Variants in B3GALT1 observed in about 807,000 individuals in gnomAD.
B3GALT1 encodes UDP-Gal:betaGlcNAc beta 1,3-galactosyltransferase, polypeptide 1.
Under a neutral mutation model 23.2 loss-of-function variants are expected in B3GALT1, and 10 were observed. That is an observed-to-expected ratio of 0.43 (90% confidence interval 0.27 to 0.73). B3GALT1 has a LOEUF of 0.73. B3GALT1 is among the 30% of genes least tolerant of loss of function. The pLI, the probability that B3GALT1 is intolerant of heterozygous loss-of-function variation, is 0.21. For synonymous variants in B3GALT1, 156 were observed against 141.5 expected, an observed-to-expected ratio of 1.10 and a Z score of -0.73; for missense variants, 299 against 405.4, an observed-to-expected ratio of 0.74 and a Z score of 2.25.
intron 4 of B3GALT1, among the ~76,000 whole-genome samples, chr2:167,865,111 A>G (rs970747958): frequency 3.3e-5 from 5 of 152,188 alleles, no homozygotes; most frequent in Admixed American, 6.5e-5. Context: ...AAAGTATCAG[A>G]TAAAACAAAC....
At chr2:167,601,869 T>A (rs937531977) in intron 2 of B3GALT1, among the ~76,000 whole-genome samples, 2 of 152,240 alleles carry the variant, frequency 1.3e-5, no homozygotes, top group South Asian at 2.1e-4. Flanking sequence ...GAAAAGCTTA[T>A]GCATAAAAAC....
Position 167,588,752 on chromosome 2 carries a change from A to G in B3GALT1, c.-409-58157A>G, listed in dbSNP as rs557003423. On this transcript the variant is annotated intron_variant, in intron 2 of 4. Coordinates refer to ENST00000392690, the MANE Select transcript of B3GALT1 (RefSeq NM_020981.4). Reference sequence around the variant, plus strand: ...TTTATAATTTATAAGGTCTCTGTCTATATACGTATATCCAAAAAGAAAATG... The same window carrying G: ...TTTATAATTTATAAGGTCTCTGTCTGTATACGTATATCCAAAAAGAAAATG... 8.2e-4 allele frequency among the ~76,000 whole-genome samples: 125 copies of G among 151,938 alleles called. 4 individuals carry two copies. In the South Asian group the frequency reaches 0.022, roughly 27 times the overall value.
At chr2:167,326,760 GC>G (rs1696902597) in intron 1 of B3GALT1, among the ~76,000 whole-genome samples, 1 of 151,988 alleles carries the variant, frequency 6.6e-6, no homozygotes, top group African/African-American at 2.4e-5. Flanking sequence ...TATGATCTGG[GC>G]TCACTGCAAC....
At chr2:167,820,159 A>C (rs776045379) in intron 4 of B3GALT1, among the ~76,000 whole-genome samples, 2 of 152,260 alleles carry the variant, frequency 1.3e-5, no homozygotes, top group Non-Finnish European at 2.9e-5. Context: ...GCTGGTATAA[A>C]TAATACTTCC....
chr2:167,776,040 GCACACACACA>G lies in B3GALT1; in HGVS notation c.-351-42603_-351-42594del, dbSNP rs71003011. Among the ~76,000 whole-genome samples the G allele has an allele frequency of 8.8e-4, 125 of 142,352 alleles. 2 individuals carry two copies. Among genetic ancestry groups the G allele is most frequent in the Middle Eastern group, 3.6e-3 (1 of 278 alleles). 93.4% of individuals were successfully genotyped at this position (142,352 alleles called of 152,430 possible). Reference sequence around the variant, plus strand: ...TATAAGTAGATAATTATGCAACTGTGCACACACACACACACACACACACACACACACACAC... The same window carrying G: ...TATAAGTAGATAATTATGCAACTGTGCACACACACACACACACACACACAC... On this transcript the variant is annotated intron_variant, in intron 3 of 4. Transcript: ENST00000392690.
chr2:167,761,437 G>C (rs1364705224), intron 3 of B3GALT1, among the ~76,000 whole-genome samples: 1 of 152,164 alleles, frequency 6.6e-6, no homozygotes, highest in Non-Finnish European at 1.5e-5. Context: ...TAGATTCACA[G>C]CATTATCTCC....
chr2:167,654,817 CACTTA>C (rs1223907987), intron 3 of B3GALT1, among the ~76,000 whole-genome samples: 12 of 145,778 alleles, frequency 8.2e-5, no homozygotes, highest in South Asian at 2.2e-4. Flanking sequence ...TTTTTTTTTC[CACTTA>C]ACTTTAGACT....
chr2:167,810,445 G>T (rs1688863764), intron 3 of B3GALT1, among the ~76,000 whole-genome samples: 1 of 150,892 alleles, frequency 6.6e-6, no homozygotes, highest in African/African-American at 2.5e-5. Context: ...TTTTTTCATT[G>T]AAAGAGAAAA....
At chr2:167,713,939 C>T (rs1687102973) in intron 3 of B3GALT1, 1 of 1,567,504 alleles carries the variant, frequency 6.4e-7, no homozygotes, top group Non-Finnish European at 8.8e-7. Flanking sequence ...CGTGAACAGG[C>T]CCCTTGTATC....
intron 2 of B3GALT1, among the ~76,000 whole-genome samples, chr2:167,631,758 CCTTTT>C (rs1233296293): frequency 2.7e-4 from 39 of 142,364 alleles, no homozygotes; most frequent in African/African-American, 9.7e-4. Context: ...ACCTACCTCT[CCTTTT>C]CTTTTCTTTT....
intron 2 of B3GALT1, among the ~76,000 whole-genome samples, chr2:167,567,172 G>A (rs1043838667): frequency 4.6e-5 from 7 of 152,082 alleles, no homozygotes; most frequent in Non-Finnish European, 7.4e-5. Context: ...GGAGAGTGTG[G>A]CTGTATAAAA....
At chr2:167,781,690 G>A (rs1688246954) in intron 3 of B3GALT1, among the ~76,000 whole-genome samples, 1 of 152,088 alleles carries the variant, frequency 6.6e-6, no homozygotes, top group Non-Finnish European at 1.5e-5. Context: ...TCCAGCCTGG[G>A]CTCCTGGGCT....
At chr2:167,433,843 G>A (rs1190058308) in intron 1 of B3GALT1, among the ~76,000 whole-genome samples, 1 of 152,102 alleles carries the variant, frequency 6.6e-6, no homozygotes. Flanking sequence ...GGAAGAGATT[G>A]CTTAAGCCCA....
intron 2 of B3GALT1, among the ~76,000 whole-genome samples, chr2:167,565,437 A>G (rs1331396761): frequency 1.3e-5 from 2 of 152,252 alleles, no homozygotes. Flanking sequence ...CATTCAGGAC[A>G]TAGGCAAGGG....
At chr2:167,850,135 A>C (rs888812737) in intron 4 of B3GALT1, among the ~76,000 whole-genome samples, 5 of 152,210 alleles carry the variant, frequency 3.3e-5, no homozygotes, top group African/African-American at 1.2e-4. Context: ...AAATCTTCAC[A>C]ATCTGTACAT....
intron 1 of B3GALT1, among the ~76,000 whole-genome samples, chr2:167,477,716 A>G (rs565521973): frequency 7.9e-5 from 12 of 152,316 alleles, no homozygotes; most frequent in East Asian, 5.8e-4. Context: ...CCATTTGTCA[A>G]TGTACCTTGG....
At chr2:167,664,691 T>G (rs1686139531) in intron 3 of B3GALT1, among the ~76,000 whole-genome samples, 1 of 152,178 alleles carries the variant, frequency 6.6e-6, no homozygotes, top group Non-Finnish European at 1.5e-5. Flanking sequence ...CCTTGTAAGT[T>G]GGATTCCTAG....
At chr2:167,337,593 A>C (rs1427272643) in intron 1 of B3GALT1, among the ~76,000 whole-genome samples, 2 of 152,152 alleles carry the variant, frequency 1.3e-5, no homozygotes, top group Non-Finnish European at 2.9e-5. Context: ...TTAAAAAAAA[A>C]ACACACAACA....
chr2:167,666,497 G>C (rs1158346569), intron 3 of B3GALT1, among the ~76,000 whole-genome samples: 3 of 151,498 alleles, frequency 2.0e-5, no homozygotes, highest in Non-Finnish European at 2.9e-5. Context: ...TCAATTCCTG[G>C]GTATCCTTGT....
Sources: gnomAD v4.1 joint callset for allele counts (sites outside exome capture counted in the v4.1 genomes callset) on GRCh38, gnomAD v4.1.1 for gene constraint, MANE v1.5 for transcripts, NCBI Gene and HGNC (gene_info 2026-07-23, HGNC 2026-07-21) for gene names.